ZBTB44: variants seen among roughly 807,000 people sequenced by gnomAD.
ZBTB44 encodes zinc finger and BTB domain-containing protein 44.
In ZBTB44, 15 loss-of-function variants were observed where a neutral mutation model predicts 54.0. The ratio of observed to expected loss-of-function variants is 0.28; its 90% CI spans 0.19 to 0.43. ZBTB44 has a LOEUF of 0.43. Among genes scored for constraint, ZBTB44 ranks in the 20% least tolerant of loss-of-function variants. ZBTB44 has a pLI of 1.00. For missense variants in ZBTB44, 487 were observed against 707.1 expected, an observed-to-expected ratio of 0.69 and a Z score of 3.53; for synonymous variants, 230 against 250.1, an observed-to-expected ratio of 0.92 and a Z score of 0.76.
intron 1 of ZBTB44, among the ~76,000 whole-genome samples, chr11:130,291,803 A>G (rs7950772): frequency 0.062 from 9,509 of 152,242 alleles, 740 homozygotes; most frequent in African/African-American, 0.18. Flanking sequence ...CACTTTATGA[A>G]TGCTTTCCTG....
At position 130,308,341 on chromosome 11, in the gene ZBTB44, T is replaced by C. The variant is rs374574412; in HGVS notation, c.-57+6034A>G. Among the ~76,000 whole-genome samples the C allele has an allele frequency of 2.0e-5, 3 of 152,264 alleles. No homozygotes were observed. The East Asian group carries it at 5.8e-4, about 29-fold the overall frequency. On this transcript the variant is annotated intron_variant, in intron 1 of 7. Transcript: ENST00000357899. ...CATGTAGTTCCGTATTCATGGTGAC[T>C]GAAAATTTATTCAATTTTTATGACT...
At chr11:130,313,112 GA>G (rs1942721432) in intron 1 of ZBTB44, among the ~76,000 whole-genome samples, 1 of 152,076 alleles carries the variant, frequency 6.6e-6, no homozygotes, top group Non-Finnish European at 1.5e-5. Context: ...TACTTCTATT[GA>G]GAAGTACGGT....
chr11:130,309,335 C>T (rs1942453926), intron 1 of ZBTB44, among the ~76,000 whole-genome samples: 1 of 152,246 alleles, frequency 6.6e-6, no homozygotes, highest in African/African-American at 2.4e-5. Context: ...AGGATGAACA[C>T]AGGAAAACAC....
chr11:130,239,627 T>TG (rs757619337), intron 3 of ZBTB44, 185 bp downstream of exon 3: 4 of 449,490 alleles, frequency 8.9e-6, no homozygotes, highest in Non-Finnish European at 1.6e-5. Context: ...TTGGAAATGC[T>TG]GGGGAAAAAA....
At chr11:130,299,638 A>G (rs937835945) in intron 1 of ZBTB44, among the ~76,000 whole-genome samples, 1 of 138,188 alleles carries the variant, frequency 7.2e-6, no homozygotes, top group African/African-American at 2.9e-5. Flanking sequence ...ATGTAATAGT[A>G]AAAAAAAAAA....
rs1164719686 is a variant in ZBTB44, at chr11:130,238,572, A to T, written c.1139T>A (p.Ile380Asn). ...ENVQYPYQLY[I>N]APSTSSTERP... ...CTCTGTACTGCTGGTGGAAGGAGCA[A>T]TGTAGAGTTGGTAGGGATACTGAAC... Residue 380 changes from isoleucine (I) to asparagine (N), a missense_variant, in exon 4 of 8, where the codon ATT (isoleucine) becomes AAT (asparagine). By Grantham distance (149) the Ile-to-Asn change is moderately radical. This residue lies in a region of ZBTB44 where 277 missense variants were observed against 306.5 expected (regional missense o/e 0.90). Coordinates refer to ENST00000357899, the MANE Select transcript of ZBTB44 (RefSeq NM_001301098.2). 4 of 1,613,084 alleles carry T rather than the reference A, an allele frequency of 2.5e-6. No homozygotes were observed. Among genetic ancestry groups the T allele is most frequent in the Non-Finnish European group, 3.4e-6 (4 of 1,179,662 alleles).
At chr11:130,297,427 C>T (rs986505619) in intron 1 of ZBTB44, among the ~76,000 whole-genome samples, 2 of 152,188 alleles carry the variant, frequency 1.3e-5, no homozygotes, top group African/African-American at 4.8e-5. Flanking sequence ...CGCCAACTTA[C>T]CTCTGCACAA....
chr11:130,292,455 A>G (rs1021649030), intron 1 of ZBTB44, among the ~76,000 whole-genome samples: 3 of 152,204 alleles, frequency 2.0e-5, no homozygotes, highest in African/African-American at 7.2e-5. Flanking sequence ...AGCCTTGTCT[A>G]TATTCTATAA....
At chr11:130,283,035 CTTTTTT>C (rs531030883) in intron 1 of ZBTB44, among the ~76,000 whole-genome samples, 25 of 102,412 alleles carry the variant, frequency 2.4e-4, no homozygotes, top group African/African-American at 8.2e-4. Context: ...CCATTCTAAC[CTTTTTT>C]TTTTTTTTTT....
In ZBTB44 at chr11:130,261,240, C is replaced by G. The variant is rs1412662737; in HGVS notation, c.634G>C (p.Ala212Pro). The stretch of plus-strand genomic sequence containing the variant: ...TGGTTTCTATTTTCTGAGTAGGAAG[C>G]TGAAGAATTCAATACCTGGGGTGAG... ...TSSPQVLNSS[A>P]SYSENRNQPV... The change falls in exon 2 of 8, where the codon GCT becomes CCT. Residue 212 changes from alanine to proline, a missense_variant. Ala to Pro is a conservative substitution (Grantham distance 27, BLOSUM62 -1). This residue lies in a region of ZBTB44 where 277 missense variants were observed against 306.5 expected (regional missense o/e 0.90). Transcript: ENST00000357899. The surrounding 1 kb of genome is among the most constrained non-coding windows in gnomAD (Gnocchi z 4.8). 1 of 1,613,912 alleles carries G rather than the reference C, an allele frequency of 6.2e-7. No homozygotes were observed. Among genetic ancestry groups the G allele is most frequent in the Admixed American group, 1.7e-5 (1 of 60,014 alleles).
At chr11:130,271,075 C>G (rs1462509162) in intron 1 of ZBTB44, among the ~76,000 whole-genome samples, 1 of 152,010 alleles carries the variant, frequency 6.6e-6, no homozygotes, top group African/African-American at 2.4e-5. Context: ...TTCTCTCGAC[C>G]CTGTCCAGTA....
At chr11:130,238,796 T>G in intron 3 of ZBTB44, 189 bp from the exon 4 acceptor site, 4 of 640,506 alleles carry the variant, frequency 6.2e-6, no homozygotes, top group East Asian at 3.2e-5. Context: ...GCCTTTTGTT[T>G]TTTTTTTTTA....
intron 4 of ZBTB44, 60 bp downstream of exon 4, chr11:130,238,384 A>G: frequency 6.9e-7 from 1 of 1,447,148 alleles, no homozygotes; most frequent in Non-Finnish European, 9.1e-7. Flanking sequence ...TTTAACTGGG[A>G]CTGCAAAATA....
At chr11:130,293,181 G>A (rs926240395) in intron 1 of ZBTB44, among the ~76,000 whole-genome samples, 2 of 151,904 alleles carry the variant, frequency 1.3e-5, no homozygotes, top group Admixed American at 6.6e-5. Flanking sequence ...ATAATTTTAG[G>A]CCTGGAACAA....
chr11:130,274,907 G>A (rs1386600666), intron 1 of ZBTB44, among the ~76,000 whole-genome samples: 1 of 151,988 alleles, frequency 6.6e-6, no homozygotes, highest in African/African-American at 2.4e-5. Context: ...CTCCCCTCCC[G>A]TTTTTTGGAA....
chr11:130,282,884 C>A (rs1287438114), intron 1 of ZBTB44, among the ~76,000 whole-genome samples: 1 of 152,064 alleles, frequency 6.6e-6, no homozygotes, highest in Non-Finnish European at 1.5e-5. Context: ...CGCTATGCTA[C>A]CCACATTGGT....
intron 1 of ZBTB44, among the ~76,000 whole-genome samples, chr11:130,272,525 T>C (rs1191461349): frequency 1.3e-5 from 2 of 152,236 alleles, no homozygotes; most frequent in Admixed American, 6.5e-5. Context: ...GGTTTGCAAA[T>C]ATTTTCTCTC....
chr11:130,274,220 G>A (rs1162124214), intron 1 of ZBTB44, among the ~76,000 whole-genome samples: 2 of 152,162 alleles, frequency 1.3e-5, no homozygotes, highest in Non-Finnish European at 2.9e-5. Context: ...TGAGCGTCAT[G>A]TTGGTGCTCA....
chr11:130,236,222 A>T (rs956971785), intron 5 of ZBTB44: 34 of 1,283,298 alleles, frequency 2.6e-5, no homozygotes, highest in Admixed American at 1.1e-4. Context: ...ATGCCCTATA[A>T]ATCAGAAAGG....
Sources: allele counts gnomAD v4.1 joint callset (sites outside exome capture counted in the v4.1 genomes callset), GRCh38; gene constraint gnomAD v4.1.1; regional missense constraint gnomAD v4.1.1; non-coding constraint Gnocchi (gnomAD v3.1); transcripts MANE v1.5; gene names NCBI Gene and HGNC (gene_info 2026-07-23, HGNC 2026-07-21).